The following YY1 variants were observed in gnomAD, a reference collection of about 807,000 sequenced individuals.
YY1 encodes the protein transcriptional repressor protein YY1.
YY1 carries 2 observed loss-of-function variants against 35.6 expected under a neutral mutation model. The ratio of observed to expected loss-of-function variants is 0.06; its 90% CI spans 0.02 to 0.18. YY1 has a LOEUF of 0.18. Ranked by LOEUF, YY1 falls within the 10% of genes least tolerant of loss-of-function variation. The pLI is 1.00. For synonymous variants in YY1, 268 were observed against 238.9 expected, an observed-to-expected ratio of 1.12 and a Z score of -1.12; for missense variants, 322 against 573.4, an observed-to-expected ratio of 0.56 and a Z score of 4.48.
intron 1 of YY1, among the ~76,000 whole-genome samples, chr14:100,256,399 A>G (rs965320803): frequency 3.9e-5 from 6 of 152,198 alleles, no homozygotes; most frequent in Admixed American, 3.9e-4. Context: ...CAGGTGGCAT[A>G]CTTGGCATCC....
intron 2 of YY1, among the ~76,000 whole-genome samples, chr14:100,269,976 T>G (rs1891210018): frequency 1.3e-5 from 2 of 151,962 alleles, no homozygotes. Flanking sequence ...TTTAAAAAAT[T>G]AAGTGGCCAG....
rs888222717 is a variant in YY1 at position 100,279,636 on chromosome 14, C to CGTGTAGT, written c.*2037_*2043dup. The CGTGTAGT allele has an allele frequency of 1.3e-5, 2 of 152,252 alleles. No individual in the cohort carries two copies. Among genetic ancestry groups the CGTGTAGT allele is most frequent in the African/African-American group, 4.8e-5 (2 of 41,456 alleles). The allele number at this position is 152,252 out of a possible 1,614,324, so 9.4% of individuals were successfully genotyped here. ...TCAGTGCCGAGGGCTCGGATGAGAA[C>CGTGTAGT]GTGTAGTTCTTTGACTTGGACCTGG... is the stretch of plus-strand genomic sequence containing the variant. On this transcript the variant is annotated 3_prime_UTR_variant, in exon 5 of 5. Transcript: ENST00000262238.
intron 2 of YY1, among the ~76,000 whole-genome samples, chr14:100,270,262 C>CAA: frequency 2.3e-5 from 1 of 43,520 alleles, no homozygotes; most frequent in Non-Finnish European, 3.8e-5. Flanking sequence ...GACTCTGTCT[C>CAA]AAAAAAAAAA....
chr14:100,268,015 T>C (rs1891179762), intron 2 of YY1, among the ~76,000 whole-genome samples: 1 of 152,196 alleles, frequency 6.6e-6, no homozygotes, highest in Non-Finnish European at 1.5e-5. Context: ...GAGCAGAAGA[T>C]ACAGAGGCAC....
At chr14:100,240,315 G>A (rs1394711072) in intron 1 of YY1, among the ~76,000 whole-genome samples, 3 of 146,734 alleles carry the variant, frequency 2.0e-5, no homozygotes, top group Non-Finnish European at 4.6e-5. Context: ...GGCCCGGGCG[G>A]GACGCGGGAG....
intron 1 of YY1, among the ~76,000 whole-genome samples, chr14:100,255,597 G>A (rs1280372060): frequency 6.6e-6 from 1 of 152,164 alleles, no homozygotes; most frequent in Non-Finnish European, 1.5e-5. Flanking sequence ...CCAACCTGGG[G>A]GGGACAGAGC....
chr14:100,272,325 G>A (rs1037182509), intron 2 of YY1, among the ~76,000 whole-genome samples: 1 of 151,226 alleles, frequency 6.6e-6, no homozygotes, highest in Non-Finnish European at 1.5e-5. Flanking sequence ...AAAAGGAAAA[G>A]AGAAAATGTT....
Position 100,251,865 on chromosome 14 carries a change from A to C in YY1, c.680-10439A>C, listed in dbSNP as rs555668569. Among the ~76,000 whole-genome samples, 18 of 152,066 alleles carry C rather than the reference A, an allele frequency of 1.2e-4. No homozygotes were observed. The South Asian group carries it at 2.7e-3, about 23-fold the overall frequency. ...CTGGTCTCTAATTCCTGGCCTCAAGAGATCCTCCTGCCTCGGCCTCCCAAA... is the reference window on the plus strand; with the variant it reads ...CTGGTCTCTAATTCCTGGCCTCAAGCGATCCTCCTGCCTCGGCCTCCCAAA... On this transcript the variant is annotated intron_variant, in intron 1 of 4. Coordinates refer to ENST00000262238, the MANE Select transcript of YY1 (RefSeq NM_003403.5).
chr14:100,241,787 A>G (rs1986964), intron 1 of YY1, among the ~76,000 whole-genome samples: 39,286 of 151,920 alleles, frequency 0.26, 5,158 homozygotes, highest in Middle Eastern at 0.37. Flanking sequence ...CCAGCTGGCC[A>G]TCATAGTGAA....
chr14:100,260,469 ATT>A (rs34225673), intron 1 of YY1, among the ~76,000 whole-genome samples: 44,705 of 139,016 alleles, frequency 0.32, 6,578 homozygotes, highest in South Asian at 0.52. Context: ...ACATATATGT[ATT>A]TTTTTTTTTT....
At chr14:100,267,234 G>C (rs1891168359) in intron 2 of YY1, among the ~76,000 whole-genome samples, 1 of 151,964 alleles carries the variant, frequency 6.6e-6, no homozygotes, top group African/African-American at 2.4e-5. Flanking sequence ...GAAAGAGAGA[G>C]CTTCTTTGAC....
chr14:100,241,996 T>A, intron 1 of YY1, among the ~76,000 whole-genome samples: 1 of 151,438 alleles, frequency 6.6e-6, no homozygotes, highest in Middle Eastern at 3.4e-3. Context: ...GGGGGCATTT[T>A]TTTTTGTTAA....
Position 100,276,468 on chromosome 14 carries a change from A to G in YY1, c.904-22A>G. 1.2e-6 allele frequency: 2 copies of G among 1,614,178 alleles called. No homozygotes were observed. Among genetic ancestry groups the G allele is most frequent in the Non-Finnish European group, 1.7e-6 (2 of 1,180,032 alleles). ...CTAACAGTTTGCAATGTGAACTTCT[A>G]AGCTGCTTTCTCTGTTTTAAGGGCT... On this transcript the variant is annotated intron_variant, in intron 3 of 4. Transcript: ENST00000262238. The surrounding 1 kb of genome is among the most constrained non-coding windows in gnomAD (Gnocchi z 4.1).
At chr14:100,256,769 T>C (rs765324497) in intron 1 of YY1, among the ~76,000 whole-genome samples, 9 of 152,144 alleles carry the variant, frequency 5.9e-5, no homozygotes, top group Non-Finnish European at 1.0e-4. Flanking sequence ...ATAGTGGTGA[T>C]GGTTACACAT....
chr14:100,279,639 G>A lies in YY1; in HGVS notation c.*2039G>A, dbSNP rs1891383482. 1 of 152,298 alleles carries A rather than the reference G, an allele frequency of 6.6e-6. No homozygotes were observed. Among genetic ancestry groups the A allele is most frequent in the Non-Finnish European group, 1.5e-5 (1 of 68,082 alleles). 9.4% of individuals were successfully genotyped at this position (152,298 alleles called of 1,614,324 possible). ...GTGCCGAGGGCTCGGATGAGAACGT[G>A]TAGTTCTTTGACTTGGACCTGGGCA... On this transcript the variant is annotated 3_prime_UTR_variant, in exon 5 of 5. Coordinates refer to ENST00000262238, the MANE Select transcript of YY1 (RefSeq NM_003403.5).
intron 1 of YY1, among the ~76,000 whole-genome samples, chr14:100,245,086 G>C (rs1404996693): frequency 6.6e-6 from 1 of 151,904 alleles, no homozygotes; most frequent in Non-Finnish European, 1.5e-5. Flanking sequence ...ACAGGCGCCC[G>C]CTGCCACACC....
Position 100,239,874 on chromosome 14 carries a change from G to A in YY1, c.630G>A (p.Val210=). The change falls in exon 1 of 5, where the codon GTG becomes GTA. Residue 210 remains valine (V), a synonymous_variant. Transcript: ENST00000262238. ...ACAAGAAGTGGGAGCAGAAGCAGGT[G>A]CAGATCAAGACCCTGGAGGGCGAGT... ...PGNKKWEQKQ[V]QIKTLEGEFS... The A allele has an allele frequency of 1.3e-6, 2 of 1,529,942 alleles. No homozygotes were observed. Among genetic ancestry groups the A allele is most frequent in the Non-Finnish European group, 1.8e-6 (2 of 1,141,100 alleles). The allele number at this position is 1,529,942 out of a possible 1,614,324, so 94.8% of individuals were successfully genotyped here.
rs1234391170 is a variant in YY1, at chr14:100,281,239, A to G, written c.*3639A>G. 6.6e-6 allele frequency: 1 copy of G among 151,730 alleles called. No homozygotes were observed. Among genetic ancestry groups the G allele is most frequent in the African/African-American group, 2.4e-5 (1 of 41,260 alleles). The allele number at this position is 151,730 out of a possible 1,614,324, so 9.4% of individuals were successfully genotyped here. ...TCTTTAATTATTTAATTATTCTTTAATAATCCTTCTATTTTCTTGACATCT... is the reference window on the plus strand; with the variant it reads ...TCTTTAATTATTTAATTATTCTTTAGTAATCCTTCTATTTTCTTGACATCT... On this transcript the variant is annotated 3_prime_UTR_variant, in exon 5 of 5. Coordinates refer to ENST00000262238, the MANE Select transcript of YY1 (RefSeq NM_003403.5).
In YY1 at chr14:100,274,766, A is replaced by G. The variant is rs753791331; in HGVS notation, c.903+8A>G. On this transcript the variant is annotated splice_region_variant and intron_variant, in intron 3 of 4. Coordinates refer to ENST00000262238, the MANE Select transcript of YY1 (RefSeq NM_003403.5). ...ATAGCTTGCCCTCATAAAGTAAGTA[A>G]TGCTAGAGGGAGAGTGTTCATTAAA... 1.2e-6 allele frequency: 2 copies of G among 1,612,612 alleles called. No individual in the cohort carries two copies. The highest frequency in any genetic ancestry group is 1.3e-5 in the African/African-American group (1 of 74,900).
Sources: allele counts gnomAD v4.1 joint callset (sites outside exome capture counted in the v4.1 genomes callset), GRCh38; gene constraint gnomAD v4.1.1; non-coding constraint Gnocchi (gnomAD v3.1); transcripts MANE v1.5; gene names NCBI Gene and HGNC (gene_info 2026-07-23, HGNC 2026-07-21).